The following GRM4 variants were observed in gnomAD, a reference collection of about 807,000 sequenced individuals.
GRM4 encodes glutamate metabotropic receptor 4.
In GRM4, 28 loss-of-function variants were observed where a neutral mutation model predicts 81.7. That is an observed-to-expected ratio of 0.34 (90% CI 0.25 to 0.47). GRM4 has a LOEUF of 0.47. GRM4 is among the 20% of genes least tolerant of loss of function. The pLI is 1.00. For missense variants in GRM4, 948 were observed against 1,290.0 expected (o/e 0.73, Z 4.06); for synonymous variants, 488 against 528.8 (o/e 0.92, Z 1.06).
intron 8 of GRM4, among the ~76,000 whole-genome samples, chr6:34,039,149 C>A (rs1248382229): frequency 6.6e-6 from 1 of 152,196 alleles, no homozygotes; most frequent in Non-Finnish European, 1.5e-5. Context: ...CATTTAGGAA[C>A]AGGCTGTTCC....
intron 5 of GRM4, among the ~76,000 whole-genome samples, chr6:34,057,039 C>T (rs1211120673): frequency 6.6e-6 from 1 of 152,110 alleles, no homozygotes; most frequent in Non-Finnish European, 1.5e-5. Context: ...GGTGGGGCTG[C>T]CCAACCCGGG....
chr6:34,040,737 T>A lies in GRM4; in HGVS notation c.1180A>T (p.Ile394Phe). 1 of 1,613,440 alleles carries A rather than the reference T, an allele frequency of 6.2e-7. No homozygotes were observed. The highest frequency in any genetic ancestry group is 8.5e-7 in the Non-Finnish European group (1 of 1,179,522). Reference sequence around the variant, plus strand: ...TGCTCATAAGCTGAATCCTGCCCAATTCGCTCACGGTCTGCAATGAAACAC... The same window carrying A: ...TGCTCATAAGCTGAATCCTGCCCAAATCGCTCACGGTCTGCAATGAAACAC... ...HVKKCTNRERIGQDSAYEQEG... is the reference protein window; with the variant it reads ...HVKKCTNRERFGQDSAYEQEG... The change falls in exon 7 of 11, where the codon ATT (isoleucine) becomes TTT (phenylalanine). Residue 394 changes from isoleucine to phenylalanine, a missense_variant. Ile to Phe is a conservative substitution (Grantham distance 21, BLOSUM62 0). Transcript: ENST00000538487.
chr6:34,062,068 A>T, intron 3 of GRM4, 40 bp from the exon 4 acceptor site: 1 of 1,580,756 alleles, frequency 6.3e-7, no homozygotes. Flanking sequence ...GGGCAGGGGA[A>T]CCTGAGTCTC....
intron 3 of GRM4, among the ~76,000 whole-genome samples, chr6:34,066,120 T>C (rs1766452665): frequency 6.6e-6 from 1 of 152,134 alleles, no homozygotes; most frequent in African/African-American, 2.4e-5. Context: ...TGGAACCCTC[T>C]GCAGAACCAC....
At chr6:34,102,136 A>C in intron 2 of GRM4, 1 of 1,535,536 alleles carries the variant, frequency 6.5e-7, no homozygotes, top group Non-Finnish European at 8.7e-7. Context: ...AGCCAGCCGG[A>C]AGGACTGGGG....
chr6:34,043,920 C>T (rs1041181029), intron 6 of GRM4, among the ~76,000 whole-genome samples: 1 of 152,148 alleles, frequency 6.6e-6, no homozygotes, highest in Non-Finnish European at 1.5e-5. Context: ...CTAGCAACTT[C>T]TCAGCTCCCT....
intron 9 of GRM4, among the ~76,000 whole-genome samples, chr6:34,029,781 G>A (rs972215565): frequency 5.3e-5 from 8 of 152,212 alleles, no homozygotes; most frequent in African/African-American, 1.7e-4. Context: ...GAGACATGGG[G>A]GACACGGGGG....
chr6:34,073,335 T>A (rs1172712889), intron 3 of GRM4, among the ~76,000 whole-genome samples: 4 of 45,578 alleles, frequency 8.8e-5, no homozygotes, highest in African/African-American at 1.8e-4. Flanking sequence ...ACACACACAC[T>A]CACACTTCAC....
intron 3 of GRM4, among the ~76,000 whole-genome samples, chr6:34,084,793 C>T (rs957336064): frequency 1.3e-5 from 2 of 152,210 alleles, no homozygotes; most frequent in Non-Finnish European, 2.9e-5. Context: ...TACTGTTCTC[C>T]CACCTGGCGT....
In GRM4 at chr6:34,068,790, C is replaced by G. The variant is rs1159535625; in HGVS notation, c.737-6762G>C. ...GTCACCTTGGACACTGGGCTCCAGACAAGGAAGGAGAAAAATCCTCCTCCA... is the reference window on the plus strand; with the variant it reads ...GTCACCTTGGACACTGGGCTCCAGAGAAGGAAGGAGAAAAATCCTCCTCCA... On this transcript the variant is annotated intron_variant, in intron 3 of 10. Coordinates refer to ENST00000538487, the MANE Select transcript of GRM4 (RefSeq NM_000841.4). The surrounding 1 kb of genome is among the most constrained non-coding windows in gnomAD (Gnocchi z 4.2). Among the ~76,000 whole-genome samples the G allele has an allele frequency of 6.6e-6, 1 of 152,144 alleles. No individual in the cohort carries two copies. The highest frequency in any genetic ancestry group is 1.5e-5 in the Non-Finnish European group (1 of 68,032).
rs1767506308 is a variant in GRM4, at chr6:34,080,015, A to G, written c.736+11868T>C. Among the ~76,000 whole-genome samples, 1 of 151,634 alleles carries G rather than the reference A, an allele frequency of 6.6e-6. No individual in the cohort carries two copies. The highest frequency in any genetic ancestry group is 2.4e-5 in the African/African-American group (1 of 41,256). On this transcript the variant is annotated intron_variant, in intron 3 of 10. Transcript: ENST00000538487. This position sits in a 1 kb window ranked among gnomAD's most constrained non-coding sequence, Gnocchi z 5.4. ...TCCCCACAGGCCCCCCCAGGGCCCC[A>G]TGCAATTTGCCCTCCTCCGGCCGTA... is the stretch of plus-strand genomic sequence containing the variant.
chr6:34,110,876 A>C (rs1769347203), intron 2 of GRM4: 1 of 1,305,588 alleles, frequency 7.7e-7, no homozygotes, highest in Admixed American at 3.9e-5. Context: ...AGGAGATAGC[A>C]GGAAGTTCCC....
intron 6 of GRM4, among the ~76,000 whole-genome samples, chr6:34,052,514 G>T (rs1765665843): frequency 1.3e-5 from 2 of 152,192 alleles, no homozygotes; most frequent in Non-Finnish European, 2.9e-5. Context: ...AATGGATTTG[G>T]CAAAGGACCC....
At position 34,059,418 on chromosome 6, in the gene GRM4, C is replaced by T; in HGVS notation, c.873-290G>A. 2.2e-6 allele frequency: 1 copy of T among 450,720 alleles called. No homozygotes were observed. 27.9% of individuals were successfully genotyped at this position (450,720 alleles called of 1,614,324 possible). On this transcript the variant is annotated intron_variant, in intron 4 of 10. Coordinates refer to ENST00000538487, the MANE Select transcript of GRM4 (RefSeq NM_000841.4). This position sits in a 1 kb window ranked among gnomAD's most constrained non-coding sequence, Gnocchi z 5.7. ...TACATCTGTCCCTGCAAAGACCACA[C>T]CTCTCCCCTCCAGATCCACACCCGC... is the stretch of plus-strand genomic sequence containing the variant.
intron 2 of GRM4, among the ~76,000 whole-genome samples, chr6:34,116,856 C>G (rs1047037180): frequency 6.6e-6 from 1 of 152,160 alleles, no homozygotes; most frequent in African/African-American, 2.4e-5. Context: ...GAGCAAACCA[C>G]CAACAGACCC....
At position 34,018,728 on chromosome 6, in the gene GRM4, C is replaced by T. The variant is rs1263923435; in HGVS notation, c.*4093G>A. On this transcript the variant is annotated 3_prime_UTR_variant, in exon 11 of 11. Transcript: ENST00000538487. Reference sequence around the variant, plus strand: ...CCTTGGAGGTTACCTAAAAATAAAGCAAGAAGCCTCATTACATGCTAATTG... The same window carrying T: ...CCTTGGAGGTTACCTAAAAATAAAGTAAGAAGCCTCATTACATGCTAATTG... 6.6e-6 allele frequency: 1 copy of T among 152,024 alleles called. No homozygotes were observed. The highest frequency in any genetic ancestry group is 1.9e-4 in the East Asian group (1 of 5,178). The allele number at this position is 152,024 out of a possible 1,614,324, so 9.4% of individuals were successfully genotyped here. A position where few individuals can be genotyped will look rare whatever the true frequency, so the allele number is the denominator to read the frequency against.
rs368877959 is a variant in GRM4, at chr6:34,136,933, G to GGTGGAA, written c.-363-3075_-363-3074insTTCCAC. 1.3e-5 allele frequency among the ~76,000 whole-genome samples: 2 copies of GGTGGAA among 152,110 alleles called. No individual in the cohort carries two copies. Among genetic ancestry groups the GGTGGAA allele is most frequent in the Non-Finnish European group, 2.9e-5 (2 of 68,010 alleles). On this transcript the variant is annotated intron_variant, in intron 1 of 10. Transcript: ENST00000538487. The surrounding 1 kb of genome is among the most constrained non-coding windows in gnomAD (Gnocchi z 4.1). ...GCCACTGAGAGCAGAGGCAGGGTGT[G>GGTGGAA]GTGGGGTGGGTTGGGGTGGGGGCCA...
At chr6:34,098,847 T>A (rs2451348) in intron 2 of GRM4, among the ~76,000 whole-genome samples, 1 of 152,148 alleles carries the variant, frequency 6.6e-6, no homozygotes, top group Non-Finnish European at 1.5e-5. Context: ...CAGCCTCCCC[T>A]ACAGCGCCTT....
Position 34,059,348 on chromosome 6 carries a change from C to G in GRM4, c.873-220G>C. The G allele has an allele frequency of 1.7e-6, 1 of 581,252 alleles. No individual in the cohort carries two copies. Among genetic ancestry groups the G allele is most frequent in the Admixed American group, 3.0e-5 (1 of 33,416 alleles). 36.0% of individuals were successfully genotyped at this position (581,252 alleles called of 1,614,324 possible). ...CTACCGCCTCATCCAACCTGCCTGCCCCTGGGCCCACGCCTGCTGCAGGCC... is the reference window on the plus strand; with the variant it reads ...CTACCGCCTCATCCAACCTGCCTGCGCCTGGGCCCACGCCTGCTGCAGGCC... On this transcript the variant is annotated intron_variant, in intron 4 of 10. Coordinates refer to ENST00000538487, the MANE Select transcript of GRM4 (RefSeq NM_000841.4). This position sits in a 1 kb window ranked among gnomAD's most constrained non-coding sequence, Gnocchi z 5.7.
Sources: allele counts gnomAD v4.1 joint callset (sites outside exome capture counted in the v4.1 genomes callset), GRCh38; gene constraint gnomAD v4.1.1; non-coding constraint Gnocchi (gnomAD v3.1); transcripts MANE v1.5; gene names NCBI Gene and HGNC (gene_info 2026-07-23, HGNC 2026-07-21).